VPS13C: variants seen among roughly 807,000 people sequenced by gnomAD.
VPS13C encodes vacuolar protein sorting 13 homolog C, also known as intermembrane lipid transfer protein VPS13C.
Under a neutral mutation model 456.8 loss-of-function variants are expected in VPS13C, and 358 were observed. The observed-to-expected ratio is 0.78, with a 90% CI of 0.72 to 0.86. The LOEUF (loss-of-function observed/expected upper bound fraction) is 0.86, where lower values mean the gene tolerates loss of function less well. VPS13C is among the 40% of genes least tolerant of loss of function. VPS13C has a pLI of 0.00. For missense variants in VPS13C, 4,818 were observed against 4,385.4 expected, an observed-to-expected ratio of 1.10 and a Z score of -2.79; for synonymous variants, 1,578 against 1,486.7, an observed-to-expected ratio of 1.06 and a Z score of -1.41.
intron 76 of VPS13C, among the ~76,000 whole-genome samples, 169 bp downstream of exon 76, chr15:61,875,563 C>A (rs1290569639): frequency 6.6e-6 from 1 of 151,964 alleles, no homozygotes; most frequent in Non-Finnish European, 1.5e-5. Flanking sequence ...AACAATCATC[C>A]AATGTTATCT....
intron 9 of VPS13C, 77 bp from the exon 10 acceptor site, chr15:62,014,069 C>A (rs1330731200): frequency 2.9e-6 from 3 of 1,036,638 alleles, no homozygotes; most frequent in African/African-American, 1.6e-5. Context: ...CATAATGTAA[C>A]AAAATAATTT....
Position 61,961,851 on chromosome 15 carries a change from C to A in VPS13C, c.3646G>T (p.Ala1216Ser). ...NFQTAKESLS[A>S]ATAQAAERAA... ...CTTTCTGCAGCCTGGGCAGTGGCAG[C>A]ACTCAGAGACTCTTTGGCTGTCTGG... The change falls in exon 35 of 85, where the codon GCT becomes TCT. Residue 1216 changes from alanine (A) to serine (S), a missense_variant. This residue lies in a region of VPS13C where 4,552 missense variants were observed against 4,130.6 expected (regional missense o/e 1.10). Transcript: ENST00000644861. The A allele has an allele frequency of 6.2e-7, 1 of 1,613,776 alleles. No homozygotes were observed. Among genetic ancestry groups the A allele is most frequent in the Non-Finnish European group, 8.5e-7 (1 of 1,179,848 alleles).
At chr15:61,881,447 G>A (rs1895841433) in intron 71 of VPS13C, 116 bp downstream of exon 71, 8 of 1,037,488 alleles carry the variant, frequency 7.7e-6, no homozygotes, top group Middle Eastern at 3.0e-4. Flanking sequence ...GAATTAATAG[G>A]TTCAGCTGGA....
intron 34 of VPS13C, among the ~76,000 whole-genome samples, 160 bp downstream of exon 34, chr15:61,962,211 T>A (rs180879507): frequency 2.6e-5 from 4 of 152,278 alleles, no homozygotes; most frequent in Non-Finnish European, 5.9e-5. Context: ...GATTCACTTT[T>A]CAACTGTTAA....
chr15:61,908,057 C>G (rs1330441851), intron 65 of VPS13C, among the ~76,000 whole-genome samples: 1 of 152,138 alleles, frequency 6.6e-6, no homozygotes, highest in African/African-American at 2.4e-5. Flanking sequence ...CAGGAAAAGG[C>G]AAAGTCCTGG....
intron 49 of VPS13C, among the ~76,000 whole-genome samples, 199 bp downstream of exon 49, chr15:61,934,020 G>A (rs1054191803): frequency 1.3e-5 from 2 of 152,054 alleles, no homozygotes; most frequent in East Asian, 3.8e-4. Context: ...TGAGTACTTT[G>A]CCTTAGCCTT....
At position 62,007,125 on chromosome 15, in the gene VPS13C, A is replaced by G. The variant is rs528779239; in HGVS notation, c.1290+183T>C. Among the ~76,000 whole-genome samples the G allele has an allele frequency of 6.6e-5, 10 of 152,302 alleles. No individual in the cohort carries two copies. The South Asian group carries it at 1.5e-3, about 22-fold the overall frequency. On this transcript the variant is annotated intron_variant, in intron 15 of 84. Coordinates refer to ENST00000644861, the MANE Select transcript of VPS13C (RefSeq NM_020821.3). ...TTTATCTGATATTTGCAGGGGGAAA[A>G]AAAGTTTTTTTAAAGAAGAAAAACT...
At chr15:61,964,304 T>G (rs2045311471) in intron 31 of VPS13C, among the ~76,000 whole-genome samples, 1 of 151,984 alleles carries the variant, frequency 6.6e-6, no homozygotes, top group Non-Finnish European at 1.5e-5. Context: ...TCTTGGCCAA[T>G]TAGATGCTAC....
chr15:61,975,495 G>C (rs2045676282), intron 24 of VPS13C, among the ~76,000 whole-genome samples: 2 of 152,026 alleles, frequency 1.3e-5, no homozygotes, highest in African/African-American at 2.4e-5. Flanking sequence ...ATTATGAACA[G>C]TTTTATGCCA....
intron 15 of VPS13C, among the ~76,000 whole-genome samples, chr15:62,006,619 C>T (rs1040543869): frequency 6.6e-6 from 1 of 152,190 alleles, no homozygotes; most frequent in East Asian, 1.9e-4. Flanking sequence ...GGTACATACC[C>T]AGTAACGGGA....
chr15:62,023,369 A>T (rs2047528338), intron 8 of VPS13C, 42 bp downstream of exon 8: 1 of 1,169,288 alleles, frequency 8.6e-7, no homozygotes, highest in South Asian at 1.7e-5. Flanking sequence ...ATATTATAAA[A>T]TACATATTTA....
intron 2 of VPS13C, among the ~76,000 whole-genome samples, chr15:62,043,034 T>C (rs2140723940): frequency 6.6e-6 from 1 of 151,896 alleles, no homozygotes; most frequent in African/African-American, 2.4e-5. Context: ...TAGATATATA[T>C]CCTGTCACTA....
At chr15:61,862,467 G>A (rs531850886) in intron 82 of VPS13C, among the ~76,000 whole-genome samples, 13 of 152,190 alleles carry the variant, frequency 8.5e-5, no homozygotes, top group African/African-American at 2.9e-4. Flanking sequence ...TCATTGCCCA[G>A]TACTGAATTA....
In VPS13C at chr15:62,057,973, T is replaced by C. The variant is rs1387181317; in HGVS notation, c.100+2302A>G. 2.0e-5 allele frequency among the ~76,000 whole-genome samples: 3 copies of C among 152,246 alleles called. No homozygotes were observed. In the South Asian group the frequency reaches 6.2e-4, roughly 32 times the overall value. Reference sequence around the variant, plus strand: ...AACCTCTGACTATATCCATACGTTTTATCTTTTTAAAAAGAAAATGTCTAA... The same window carrying C: ...AACCTCTGACTATATCCATACGTTTCATCTTTTTAAAAAGAAAATGTCTAA... On this transcript the variant is annotated intron_variant, in intron 1 of 84. Transcript: ENST00000644861.
At chr15:62,026,684 A>C (rs1198518136) in intron 6 of VPS13C, among the ~76,000 whole-genome samples, 1 of 152,064 alleles carries the variant, frequency 6.6e-6, no homozygotes, top group African/African-American at 2.4e-5. Context: ...ATTTTCCTTG[A>C]AACAACCATC....
rs1381217146 is a variant in VPS13C, at chr15:62,055,250, G to C, written c.100+5025C>G. On this transcript the variant is annotated intron_variant, in intron 1 of 84. Coordinates refer to ENST00000644861, the MANE Select transcript of VPS13C (RefSeq NM_020821.3). ...CTTCTCAACCTTTTTTTTTTGAGAC[G>C]GGAGTCTCGCTCTGTCACCTAGGCT... is the stretch of plus-strand genomic sequence containing the variant. 2.0e-5 allele frequency among the ~76,000 whole-genome samples: 3 copies of C among 150,756 alleles called. No individual in the cohort carries two copies. In the South Asian group the frequency reaches 6.3e-4, roughly 32 times the overall value.
chr15:61,904,991 G>A (rs1342230861), intron 66 of VPS13C, among the ~76,000 whole-genome samples: 1 of 152,060 alleles, frequency 6.6e-6, no homozygotes, highest in African/African-American at 2.4e-5. Context: ...AAGGGGATTG[G>A]AGGGAACAAG....
intron 66 of VPS13C, among the ~76,000 whole-genome samples, chr15:61,901,607 A>C (rs2042998787): frequency 2.0e-5 from 3 of 152,286 alleles, no homozygotes; most frequent in African/African-American, 7.2e-5. Flanking sequence ...AAAAGTCAGG[A>C]AACAACAGGT....
At chr15:62,017,448 G>T (rs1161417023) in intron 9 of VPS13C, among the ~76,000 whole-genome samples, 3 of 152,070 alleles carry the variant, frequency 2.0e-5, no homozygotes, top group Non-Finnish European at 2.9e-5. Context: ...AGTCCATCTT[G>T]AATTGATTTT....
Sources: allele counts gnomAD v4.1 joint callset (sites outside exome capture counted in the v4.1 genomes callset), GRCh38; gene constraint gnomAD v4.1.1; regional missense constraint gnomAD v4.1.1; transcripts MANE v1.5; gene names NCBI Gene and HGNC (gene_info 2026-07-23, HGNC 2026-07-21).